Variants in DNA2 observed in about 807,000 individuals in gnomAD.
The protein encoded by DNA2 is DNA replication ATP-dependent helicase/nuclease DNA2.
A neutral mutation model predicts 119.1 loss-of-function variants in DNA2; 101 were observed. The observed-to-expected ratio is 0.85, with a 90% CI of 0.72 to 1.00. The LOEUF (loss-of-function observed/expected upper bound fraction) is 1.00, where lower values mean the gene tolerates loss of function less well. Ranked by LOEUF, DNA2 falls within the 50% of genes least tolerant of loss-of-function variation. The pLI is 0.00. For missense variants in DNA2, 1,121 were observed against 1,255.5 expected (o/e 0.89, Z 1.62); for synonymous variants, 366 against 424.4 (o/e 0.86, Z 1.69).
rs2051685021 is a variant in DNA2 at position 68,422,884 on chromosome 10, C to T, written c.2215G>A (p.Val739Ile). 1.3e-6 allele frequency: 2 copies of T among 1,566,752 alleles called. No homozygotes were observed. Among genetic ancestry groups the T allele is most frequent in the Non-Finnish European group, 1.7e-6 (2 of 1,161,428 alleles). The change falls in exon 15 of 21, where the codon GTT becomes ATT. Residue 739 changes from valine to isoleucine, a missense_variant. By Grantham distance (29) the Val-to-Ile change is conservative. Transcript: ENST00000358410. Reference sequence around the variant, plus strand: ...TTTATTCCCATACATGTTGTTGCAACTATAAGCTAAAAACAAGGAAAACAG... The same window carrying T: ...TTTATTCCCATACATGTTGTTGCAATTATAAGCTAAAAACAAGGAAAACAG... ...LEELYNSQLI[V>I]ATTCMGINHP...
Position 68,422,308 on chromosome 10 carries a change from AT to A in DNA2, c.2613del (p.Glu871AspfsTer12), listed in dbSNP as rs765964501. ...GGATTATCAGAATAGTCAGCATAAA[AT>A]TCCAGTTCCAGCTTCACATCTTTAA... ...RHFKDVKLEL[E>X]FYADYSDNPW... On this transcript the variant is annotated frameshift_variant, in exon 17 of 21. Coordinates refer to ENST00000358410, the MANE Select transcript of DNA2 (RefSeq NM_001080449.3). LOFTEE classifies it high-confidence loss of function. 6.2e-7 allele frequency: 1 copy of A among 1,613,976 alleles called. No homozygotes were observed. The highest frequency in any genetic ancestry group is 1.1e-5 in the South Asian group (1 of 91,074).
chr10:68,466,380 G>C (rs556678991), intron 3 of DNA2, among the ~76,000 whole-genome samples: 35 of 151,922 alleles, frequency 2.3e-4, no homozygotes, highest in African/African-American at 8.2e-4. Flanking sequence ...CCACCCAATA[G>C]AAAAGTCAAT....
intron 18 of DNA2, chr10:68,419,455 G>C: frequency 1.9e-6 from 1 of 518,680 alleles, no homozygotes; most frequent in Admixed American, 3.7e-5. Flanking sequence ...AGGATTATAT[G>C]CTACTAAAAC....
At chr10:68,468,588 T>C (rs1020839603) in intron 2 of DNA2, among the ~76,000 whole-genome samples, 1 of 152,198 alleles carries the variant, frequency 6.6e-6, no homozygotes, top group Non-Finnish European at 1.5e-5. Context: ...GTAAAGTCTA[T>C]TGCAAAAGCT....
chr10:68,414,959 G>A lies in DNA2; in HGVS notation c.*80C>T, dbSNP rs1427475833. ...AAACATAAATACTGCATTAAATTTT[G>A]TATGGTGATAGAATTTTCTGTATGG... On this transcript the variant is annotated 3_prime_UTR_variant, in exon 21 of 21. Coordinates refer to ENST00000358410, the MANE Select transcript of DNA2 (RefSeq NM_001080449.3). 1 of 877,930 alleles carries A rather than the reference G, an allele frequency of 1.1e-6. No individual in the cohort carries two copies. Among genetic ancestry groups the A allele is most frequent in the Non-Finnish European group, 1.8e-6 (1 of 570,124 alleles). 54.4% of individuals were successfully genotyped at this position (877,930 alleles called of 1,614,324 possible).
In DNA2 at chr10:68,446,349, T is replaced by G. The variant is rs1420682351; in HGVS notation, c.1004A>C (p.Tyr335Ser). 6.3e-7 allele frequency: 1 copy of G among 1,597,974 alleles called. No homozygotes were observed. Among genetic ancestry groups the G allele is most frequent in the Admixed American group, 1.7e-5 (1 of 57,180 alleles). The change falls in exon 7 of 21, where the codon TAC (tyrosine) becomes TCC (serine). Residue 335 changes from tyrosine to serine, a missense_variant. Tyr to Ser is a moderately radical substitution (Grantham distance 144). Transcript: ENST00000358410. ...AGGGTACATCTGACCAGTCTTGAGG[T>G]AGAGAAGCAAGCCAGCCTCTGGATC... ...RADPEAGLLL[Y>S]LKTGQMYPVP...
At chr10:68,436,930 G>C in intron 10 of DNA2, 81 bp downstream of exon 10, 1 of 1,133,790 alleles carries the variant, frequency 8.8e-7, no homozygotes, top group Non-Finnish European at 1.3e-6. Flanking sequence ...CCAGCGAATT[G>C]TACATTTTAA....
chr10:68,465,209 G>C (rs1395100578), intron 4 of DNA2, among the ~76,000 whole-genome samples: 1 of 146,750 alleles, frequency 6.8e-6, no homozygotes, highest in African/African-American at 2.5e-5. Flanking sequence ...TAGTAGAGAC[G>C]GGGTTTCACC....
intron 17 of DNA2, among the ~76,000 whole-genome samples, chr10:68,420,803 A>T (rs185517066): frequency 1.3e-5 from 2 of 152,228 alleles, no homozygotes; most frequent in East Asian, 1.9e-4. Context: ...AAAACAAAAA[A>T]GTCGTTGTGC....
intron 14 of DNA2, among the ~76,000 whole-genome samples, chr10:68,429,711 C>CAAAAAAAAAAAAAA: frequency 2.5e-5 from 1 of 40,400 alleles, no homozygotes. Context: ...GACTCCATCT[C>CAAAAAAAAAAAAAA]AAAAAAAAAA....
At chr10:68,466,009 G>A (rs565299058) in intron 3 of DNA2, among the ~76,000 whole-genome samples, 197 bp from the exon 4 acceptor site, 2 of 151,960 alleles carry the variant, frequency 1.3e-5, no homozygotes, top group Admixed American at 6.6e-5. Context: ...CTGAATTACT[G>A]TATGAGTTAT....
At chr10:68,471,998 T>C (rs751913929), upstream of DNA2, 3 of 1,610,396 alleles carry the variant, frequency 1.9e-6, no homozygotes, top group East Asian at 4.5e-5. Flanking sequence ...ATGTCCCAAA[T>C]GACCTGCGCC....
At chr10:68,445,150 T>A in intron 7 of DNA2, 67 bp from the exon 8 acceptor site, 1 of 1,400,142 alleles carries the variant, frequency 7.1e-7, no homozygotes, top group South Asian at 1.3e-5. Flanking sequence ...TTTCACTACA[T>A]ATGTAAAACT....
At chr10:68,437,572 C>T (rs935391507) in intron 9 of DNA2, among the ~76,000 whole-genome samples, 48 of 152,106 alleles carry the variant, frequency 3.2e-4, no homozygotes, top group African/African-American at 1.1e-3. Flanking sequence ...ATCACTTGAA[C>T]CCGGGAGGTG....
chr10:68,457,357 A>G (rs575498588), intron 5 of DNA2, among the ~76,000 whole-genome samples: 2 of 152,118 alleles, frequency 1.3e-5, no homozygotes, highest in Non-Finnish European at 2.9e-5. Flanking sequence ...TACCTAGAAC[A>G]TTCCTCCTAC....
At chr10:68,432,164 C>G (rs1351014135) in intron 12 of DNA2, 42 bp downstream of exon 12, 2 of 1,384,834 alleles carry the variant, frequency 1.4e-6, no homozygotes, top group Non-Finnish European at 2.0e-6. Context: ...CAAATAGAAA[C>G]AAGAAAAATT....
intron 6 of DNA2, among the ~76,000 whole-genome samples, chr10:68,449,635 G>A (rs1407192521): frequency 3.9e-5 from 6 of 152,100 alleles, no homozygotes; most frequent in Admixed American, 2.0e-4. Flanking sequence ...AAATTAGTCA[G>A]GCATAAGGCC....
At chr10:68,441,993 T>C (rs1252868585) in intron 9 of DNA2, among the ~76,000 whole-genome samples, 1 of 151,876 alleles carries the variant, frequency 6.6e-6, no homozygotes, top group Non-Finnish European at 1.5e-5. Context: ...AGTGGTGTGA[T>C]CTCAGCTCAC....
intron 5 of DNA2, among the ~76,000 whole-genome samples, chr10:68,452,887 A>G (rs771544013): frequency 1.7e-4 from 26 of 149,826 alleles, no homozygotes; most frequent in African/African-American, 4.9e-4. Flanking sequence ...CGCGGCCACT[A>G]TATGTTTATT....
Sources: gnomAD v4.1 joint callset for allele counts (sites outside exome capture counted in the v4.1 genomes callset) on GRCh38, gnomAD v4.1.1 for gene constraint, MANE v1.5 for transcripts, NCBI Gene and HGNC (gene_info 2026-07-23, HGNC 2026-07-21) for gene names.